Variants in VTI1A observed in about 807,000 individuals in gnomAD.
VTI1A encodes vesicle transport through interaction with t-SNAREs homolog 1A.
A neutral mutation model predicts 34.9 loss-of-function variants in VTI1A; 22 were observed. The ratio of observed to expected loss-of-function variants is 0.63; its 90% CI spans 0.45 to 0.90. The LOEUF (loss-of-function observed/expected upper bound fraction) is 0.90, where lower values mean the gene tolerates loss of function less well. Ranked by LOEUF, VTI1A falls within the 40% of genes least tolerant of loss-of-function variation. The probability of loss-of-function intolerance (pLI) is 0.00; values close to 1 mark genes in which losing one functional copy is unlikely to be tolerated. For missense variants in VTI1A, 268 were observed against 275.6 expected, an observed-to-expected ratio of 0.97 and a Z score of 0.20; for synonymous variants, 87 against 97.3, an observed-to-expected ratio of 0.89 and a Z score of 0.62.
chr10:112,453,231 A>G (rs976611473), intron 1 of VTI1A, among the ~76,000 whole-genome samples: 1 of 152,152 alleles, frequency 6.6e-6, no homozygotes, highest in African/African-American at 2.4e-5. Flanking sequence ...TTCACCACAT[A>G]CCAAGAATAC....
chr10:112,728,384 A>T (rs1485739408), intron 7 of VTI1A, among the ~76,000 whole-genome samples: 1 of 152,232 alleles, frequency 6.6e-6, no homozygotes, highest in African/African-American at 2.4e-5. Flanking sequence ...TTTGCTTTTT[A>T]ACATCCCTTT....
At chr10:112,730,719 G>A (rs12217293) in intron 7 of VTI1A, among the ~76,000 whole-genome samples, 5 of 150,046 alleles carry the variant, frequency 3.3e-5, no homozygotes, top group Non-Finnish European at 7.4e-5. Context: ...TTCAACCACC[G>A]TATAATAAAT....
chr10:112,705,840 G>A (rs1043186128), intron 7 of VTI1A, among the ~76,000 whole-genome samples: 11 of 152,102 alleles, frequency 7.2e-5, no homozygotes, highest in Admixed American at 5.9e-4. Flanking sequence ...CAAGGAGGAA[G>A]AAAAGGCAAA....
At chr10:112,509,206 CT>C in intron 3 of VTI1A, among the ~76,000 whole-genome samples, 1 of 152,286 alleles carries the variant, frequency 6.6e-6, no homozygotes, top group South Asian at 2.1e-4. Flanking sequence ...ACTATAATTG[CT>C]GTTTTATTAA....
At chr10:112,507,097 C>G (rs1849458168) in intron 3 of VTI1A, among the ~76,000 whole-genome samples, 1 of 151,882 alleles carries the variant, frequency 6.6e-6, no homozygotes, top group Admixed American at 6.6e-5. Context: ...TTTCAGGTGT[C>G]CAGAATGGAA....
chr10:112,478,146 C>G (rs1251521496), intron 3 of VTI1A, among the ~76,000 whole-genome samples: 1 of 152,092 alleles, frequency 6.6e-6, no homozygotes, highest in Admixed American at 6.5e-5. Context: ...TATTAGATTG[C>G]TAGAAGTAGT....
At chr10:112,466,978 G>C (rs766487656) in intron 3 of VTI1A, among the ~76,000 whole-genome samples, 2 of 151,906 alleles carry the variant, frequency 1.3e-5, no homozygotes, top group Non-Finnish European at 2.9e-5. Flanking sequence ...GACATCAGTC[G>C]TATTGAATTA....
chr10:112,804,461 T>C (rs1852994146), intron 7 of VTI1A, among the ~76,000 whole-genome samples: 2 of 152,222 alleles, frequency 1.3e-5, no homozygotes, highest in Admixed American at 1.3e-4. Context: ...TGTAAAGAGC[T>C]TTTCAGAGTG....
intron 7 of VTI1A, 151 bp from the exon 8 acceptor site, chr10:112,815,139 G>GCGCGCACACACACACA (rs879013051): frequency 4.0e-4 from 73 of 180,934 alleles, no homozygotes; most frequent in African/African-American, 2.3e-3. Flanking sequence ...TTTCGCGCGC[G>GCGCGCACACACACACA]CACACACACA....
At chr10:112,569,554 C>T (rs758911510) in intron 5 of VTI1A, among the ~76,000 whole-genome samples, 28 of 152,194 alleles carry the variant, frequency 1.8e-4, no homozygotes, top group African/African-American at 2.4e-5. Flanking sequence ...TTGCCCTCAA[C>T]ATGGAGCCAA....
chr10:112,535,200 T>C (rs148636438), intron 4 of VTI1A, among the ~76,000 whole-genome samples: 2,373 of 152,340 alleles, frequency 0.016, 34 homozygotes, highest in Non-Finnish European at 0.024. Context: ...TAACATGTAA[T>C]TGAATTATAA....
At chr10:112,721,142 G>A (rs1158498916) in intron 7 of VTI1A, among the ~76,000 whole-genome samples, 2 of 152,144 alleles carry the variant, frequency 1.3e-5, no homozygotes, top group Non-Finnish European at 1.5e-5. Context: ...CATAGTGAGT[G>A]GCAGATTTTC....
At chr10:112,609,323 G>A (rs1353508043) in intron 5 of VTI1A, among the ~76,000 whole-genome samples, 1 of 152,092 alleles carries the variant, frequency 6.6e-6, no homozygotes, top group Non-Finnish European at 1.5e-5. Flanking sequence ...ATTAATGAAG[G>A]TAGTCTTAGC....
chr10:112,564,246 G>A (rs1444132382), intron 5 of VTI1A, among the ~76,000 whole-genome samples: 4 of 151,736 alleles, frequency 2.6e-5, no homozygotes, highest in African/African-American at 7.3e-5. Context: ...AATAAACATC[G>A]GAGTGGCTTT....
chr10:112,557,189 A>G lies in VTI1A; in HGVS notation c.427+18859A>G, dbSNP rs182942399. Among the ~76,000 whole-genome samples, 352 of 152,230 alleles carry G rather than the reference A, an allele frequency of 2.3e-3. 1 individual carries two copies. The highest frequency in any genetic ancestry group is 8.2e-3 in the African/African-American group (340 of 41,544). On this transcript the variant is annotated intron_variant, in intron 5 of 7. Coordinates refer to ENST00000393077, the MANE Select transcript of VTI1A (RefSeq NM_145206.4). ...TCTTTTACTTTCTCTTCTAGGATAT[A>G]AAGTTTTGATAATTAAAATTTGTCA... is the stretch of plus-strand genomic sequence containing the variant.
chr10:112,826,698 A>G, the VTI1A span: 2 of 152,138 alleles, frequency 1.3e-5, no homozygotes, highest in Non-Finnish European at 2.9e-5. Context: ...TGGGAAAGGA[A>G]AATATCCTGA....
intron 7 of VTI1A, among the ~76,000 whole-genome samples, chr10:112,810,228 C>G (rs1401695319): frequency 6.6e-6 from 1 of 151,784 alleles, no homozygotes; most frequent in Non-Finnish European, 1.5e-5. Flanking sequence ...CACGGTGAAA[C>G]CCCATCTCTA....
chr10:112,565,605 G>A (rs1050596843), intron 5 of VTI1A, among the ~76,000 whole-genome samples: 1 of 152,162 alleles, frequency 6.6e-6, no homozygotes, highest in Non-Finnish European at 1.5e-5. Context: ...ACGACTGGCT[G>A]TAGTTTGCTC....
chr10:112,483,060 C>T (rs1290456630), intron 3 of VTI1A, among the ~76,000 whole-genome samples: 2 of 152,086 alleles, frequency 1.3e-5, no homozygotes, highest in African/African-American at 2.4e-5. Flanking sequence ...AGGAAAAATA[C>T]CCAGTATCTT....
Sources: gnomAD v4.1 joint callset for allele counts (sites outside exome capture counted in the v4.1 genomes callset) on GRCh38, gnomAD v4.1.1 for gene constraint, MANE v1.5 for transcripts, NCBI Gene and HGNC (gene_info 2026-07-23, HGNC 2026-07-21) for gene names.